Variants in SLC4A10 observed in about 807,000 individuals in gnomAD.
SLC4A10 encodes the protein sodium-driven chloride bicarbonate exchanger.
In SLC4A10, 42 loss-of-function variants were observed where a neutral mutation model predicts 137.7. That is an observed-to-expected ratio of 0.30 (90% confidence interval 0.24 to 0.39). SLC4A10 has a LOEUF of 0.39. SLC4A10 is among the 10% of genes least tolerant of loss of function. SLC4A10 has a pLI of 1.00. For synonymous variants in SLC4A10, 474 were observed against 464.1 expected, an observed-to-expected ratio of 1.02 and a Z score of -0.27; for missense variants, 925 against 1,355.0, an observed-to-expected ratio of 0.68 and a Z score of 4.98.
At chr2:161,904,664 C>A in intron 13 of SLC4A10, 112 bp from the exon 14 acceptor site, 1 of 1,365,940 alleles carries the variant, frequency 7.3e-7, no homozygotes, top group Non-Finnish European at 9.9e-7. Flanking sequence ...GGTTGCTAGA[C>A]TTTTCAGGGT....
chr2:161,838,777 A>C (rs543608163), intron 3 of SLC4A10, among the ~76,000 whole-genome samples: 1 of 152,202 alleles, frequency 6.6e-6, no homozygotes, highest in Non-Finnish European at 1.5e-5. Context: ...ATGAAATACC[A>C]CTACATAGAA....
rs549512259 is a variant in SLC4A10 at position 161,798,607 on chromosome 2, G to A, written c.131-5842G>A. 2.6e-5 allele frequency among the ~76,000 whole-genome samples: 4 copies of A among 151,570 alleles called. No homozygotes were observed. In the South Asian group the frequency reaches 8.3e-4, roughly 32 times the overall value. The stretch of plus-strand genomic sequence containing the variant: ...ACACAACTTAAGTGTCAAACATCTA[G>A]GATTTGTTAGCAAGATTTGTGCTCA... On this transcript the variant is annotated intron_variant, in intron 2 of 26. Transcript: ENST00000446997.
At chr2:161,815,995 G>C (rs1292526892) in intron 3 of SLC4A10, among the ~76,000 whole-genome samples, 2 of 152,064 alleles carry the variant, frequency 1.3e-5, no homozygotes, top group African/African-American at 4.8e-5. Flanking sequence ...GAATTTTCTA[G>C]ATTTCACTTT....
rs572639747 is a variant in SLC4A10 at position 161,802,513 on chromosome 2, TG to T, written c.131-1934del. 1.3e-3 allele frequency among the ~76,000 whole-genome samples: 203 copies of T among 152,264 alleles called. 1 individual carries two copies. The highest frequency in any genetic ancestry group is 4.6e-3 in the African/African-American group (191 of 41,566). ...CACTATCAGCCTAAGTGTTATACAT[TG>T]GATATTTTAGAAATCTTACAATTTC... On this transcript the variant is annotated intron_variant, in intron 2 of 26. Transcript: ENST00000446997.
rs369176109 is a variant in SLC4A10 at position 161,862,944 on chromosome 2, A to G, written c.648A>G (p.Ala216=). Reference sequence around the variant, plus strand: ...ATGTACGCCATAGGGTCCATGAGGCATTGATGAAACAGCATCATCATCAGA... The same window carrying G: ...ATGTACGCCATAGGGTCCATGAGGCGTTGATGAAACAGCATCATCATCAGA... ...NEDVRHRVHE[A]LMKQHHHQNQ... is the part of the protein sequence containing the mutation. The change falls in exon 6 of 27, where the codon GCA becomes GCG. Residue 216 remains alanine, a synonymous_variant. Coordinates refer to ENST00000446997, the MANE Select transcript of SLC4A10 (RefSeq NM_001178015.2). The G allele has an allele frequency of 3.1e-6, 5 of 1,613,656 alleles. No individual in the cohort carries two copies. Among genetic ancestry groups the G allele is most frequent in the African/African-American group, 1.3e-5 (1 of 74,940 alleles).
rs377292952 is a variant in SLC4A10 at position 161,855,111 on chromosome 2, C to T, written c.558C>T (p.Asn186=). The T allele has an allele frequency of 6.2e-6, 10 of 1,609,870 alleles. No individual in the cohort carries two copies. Among genetic ancestry groups the T allele is most frequent in the Non-Finnish European group, 6.8e-6 (8 of 1,178,022 alleles). Residue 186 remains asparagine, a synonymous_variant, in exon 5 of 27, where the codon AAC becomes AAT. Transcript: ENST00000446997. The part of the protein sequence containing the change: ...NGTVLLDMHA[N]TLEEIADMVL... The stretch of plus-strand genomic sequence containing the variant: ...CTGTGTTGCTGGACATGCATGCCAA[C>T]ACTTTAGAAGAAATTGCAGGTATAT...
At chr2:161,981,058 A>G (rs1700152436) in intron 26 of SLC4A10, among the ~76,000 whole-genome samples, 1 of 152,256 alleles carries the variant, frequency 6.6e-6, no homozygotes, top group African/African-American at 2.4e-5. Flanking sequence ...TATGATGAAG[A>G]GGGAAAAAAA....
At chr2:161,721,513 C>T (rs960074233) in intron 1 of SLC4A10, among the ~76,000 whole-genome samples, 1 of 152,136 alleles carries the variant, frequency 6.6e-6, no homozygotes, top group East Asian at 1.9e-4. Flanking sequence ...AATATTGGCC[C>T]CCAGTCTCTG....
Position 161,854,618 on chromosome 2 carries a change from A to T in SLC4A10, c.417-352A>T, listed in dbSNP as rs181020336. ...TAAGTATTCTTTCATTTTCTTTTTC[A>T]ATTACCATTAACTTTCCATGAAGTA... On this transcript the variant is annotated intron_variant, in intron 4 of 26. Transcript: ENST00000446997. Among the ~76,000 whole-genome samples the T allele has an allele frequency of 2.0e-3, 302 of 152,286 alleles. 1 individual carries two copies. Among genetic ancestry groups the T allele is most frequent in the Non-Finnish European group, 2.4e-3 (162 of 68,020 alleles).
At chr2:161,753,199 T>C in intron 1 of SLC4A10, among the ~76,000 whole-genome samples, 1 of 152,178 alleles carries the variant, frequency 6.6e-6, no homozygotes, top group East Asian at 1.9e-4. Flanking sequence ...ATTATGCAGA[T>C]ATACTCTCTC....
chr2:161,823,551 T>C (rs556390703), intron 3 of SLC4A10, among the ~76,000 whole-genome samples: 4 of 152,366 alleles, frequency 2.6e-5, no homozygotes, highest in Admixed American at 1.3e-4. Context: ...GCCACAGTGA[T>C]GCTCGAAGTG....
intron 3 of SLC4A10, among the ~76,000 whole-genome samples, chr2:161,815,852 A>AT (rs915792171): frequency 2.0e-5 from 3 of 151,930 alleles, no homozygotes; most frequent in Admixed American, 6.6e-5. Context: ...TCTCCCTCTT[A>AT]TTTTTTGCCA....
intron 1 of SLC4A10, among the ~76,000 whole-genome samples, chr2:161,667,333 A>C (rs1300519289): frequency 6.6e-6 from 1 of 151,720 alleles, no homozygotes; most frequent in African/African-American, 2.4e-5. Context: ...AGGTGCTGGT[A>C]AAACAGAAGT....
chr2:161,758,712 G>A (rs2049935125), intron 1 of SLC4A10, among the ~76,000 whole-genome samples: 1 of 151,916 alleles, frequency 6.6e-6, no homozygotes, highest in Non-Finnish European at 1.5e-5. Flanking sequence ...ATTAATGATG[G>A]AGAGTGTAGA....
chr2:161,624,676 C>T, intron 1 of SLC4A10, 110 bp downstream of exon 1: 1 of 1,433,190 alleles, frequency 7.0e-7, no homozygotes, highest in Non-Finnish European at 9.6e-7. Flanking sequence ...TGGTGGATAG[C>T]TCCTACGACA....
intron 2 of SLC4A10, among the ~76,000 whole-genome samples, chr2:161,775,553 G>A (rs1172765995): frequency 6.6e-6 from 1 of 151,876 alleles, no homozygotes; most frequent in East Asian, 1.9e-4. Context: ...TTCGGTGTCT[G>A]TTTCTCAGTG....
chr2:161,681,238 C>T (rs1435921987), intron 1 of SLC4A10, among the ~76,000 whole-genome samples: 1 of 152,184 alleles, frequency 6.6e-6, no homozygotes, highest in Non-Finnish European at 1.5e-5. Flanking sequence ...ATGCTCATGA[C>T]TCATAATTCC....
At chr2:161,647,154 T>G (rs2036168301) in intron 1 of SLC4A10, among the ~76,000 whole-genome samples, 1 of 152,088 alleles carries the variant, frequency 6.6e-6, no homozygotes, top group Non-Finnish European at 1.5e-5. Context: ...GAAATCACAC[T>G]GCCCTGATTT....
At chr2:161,738,815 A>G (rs2125231938) in intron 1 of SLC4A10, among the ~76,000 whole-genome samples, 1 of 152,302 alleles carries the variant, frequency 6.6e-6, no homozygotes, top group Middle Eastern at 3.4e-3. Flanking sequence ...TCTAGACTGC[A>G]AACAGCAGTA....
Sources: allele counts gnomAD v4.1 joint callset (sites outside exome capture counted in the v4.1 genomes callset), GRCh38; gene constraint gnomAD v4.1.1; transcripts MANE v1.5; gene names NCBI Gene and HGNC (gene_info 2026-07-23, HGNC 2026-07-21).